SPTBN2: variants seen among roughly 807,000 people sequenced by gnomAD.
SPTBN2 encodes spectrin beta chain, non-erythrocytic 2.
In SPTBN2, 107 loss-of-function variants were observed where a neutral mutation model predicts 284.2. The ratio of observed to expected loss-of-function variants is 0.38; its 90% confidence interval spans 0.32 to 0.44. SPTBN2 has a LOEUF of 0.44. SPTBN2 is among the 20% of genes least tolerant of loss of function. SPTBN2 has a pLI of 1.00. For missense variants in SPTBN2, 2,569 were observed against 3,287.1 expected, an observed-to-expected ratio of 0.78 and a Z score of 5.34; for synonymous variants, 1,289 against 1,354.8, an observed-to-expected ratio of 0.95 and a Z score of 1.07.
chr11:66,733,984 C>CAA (rs60666832), upstream of SPTBN2, among the ~76,000 whole-genome samples: 65 of 75,442 alleles, frequency 8.6e-4, no homozygotes, highest in Admixed American at 1.7e-3. Context: ...GACTCCGTCT[C>CAA]AAAAAAAAAA....
At chr11:66,705,518 G>A in intron 14 of SPTBN2, 50 bp from the exon 15 acceptor site, 7 of 1,610,778 alleles carry the variant, frequency 4.3e-6, no homozygotes, top group Non-Finnish European at 5.9e-6. Context: ...CCCTCCGGCT[G>A]CTCCCTGCCA....
At chr11:66,704,261 C>T (rs902124346) in intron 15 of SPTBN2, among the ~76,000 whole-genome samples, 9 of 152,062 alleles carry the variant, frequency 5.9e-5, no homozygotes, top group Middle Eastern at 3.4e-3. Flanking sequence ...TGTGAGCCAC[C>T]GTGCCCGGCC....
In SPTBN2 at chr11:66,708,128, C is replaced by A; in HGVS notation, c.1350+13G>T. On this transcript the variant is annotated intron_variant, in intron 12 of 37. Transcript: ENST00000533211. This position sits in a 1 kb window ranked among gnomAD's most constrained non-coding sequence, Gnocchi z 4.4. Reference sequence around the variant, plus strand: ...CTGACCAGCCTAAGCATCCTAGGAGCCTCAAGTCCTACCTGGGACACGAGG... The same window carrying A: ...CTGACCAGCCTAAGCATCCTAGGAGACTCAAGTCCTACCTGGGACACGAGG... 6.2e-7 allele frequency: 1 copy of A among 1,613,200 alleles called. No individual in the cohort carries two copies. Among genetic ancestry groups the A allele is most frequent in the Non-Finnish European group, 8.5e-7 (1 of 1,179,898 alleles).
chr11:66,708,531 C>T lies in SPTBN2; in HGVS notation c.1192-232G>A, dbSNP rs918244140. Among the ~76,000 whole-genome samples the T allele has an allele frequency of 2.0e-5, 3 of 152,168 alleles. No homozygotes were observed. Among genetic ancestry groups the T allele is most frequent in the African/African-American group, 7.2e-5 (3 of 41,432 alleles). On this transcript the variant is annotated intron_variant, in intron 11 of 37. Coordinates refer to ENST00000533211, the MANE Select transcript of SPTBN2 (RefSeq NM_006946.4). The surrounding 1 kb of genome is among the most constrained non-coding windows in gnomAD (Gnocchi z 4.4). ...CACGAACAGTGGAAACCATCTGATTCCTTTGTGTTGGCAGGACTGTGTGCG... is the reference window on the plus strand; with the variant it reads ...CACGAACAGTGGAAACCATCTGATTTCTTTGTGTTGGCAGGACTGTGTGCG...
At chr11:66,731,589 G>A (rs1182877914), upstream of SPTBN2, among the ~76,000 whole-genome samples, 2 of 152,166 alleles carry the variant, frequency 1.3e-5, no homozygotes, top group East Asian at 3.8e-4. Flanking sequence ...CCCTTCTGCA[G>A]CCTCACGGCC....
At chr11:66,728,604 A>C (rs1287654317) in intron 1 of SPTBN2, 137 bp downstream of exon 1, 1 of 151,480 alleles carries the variant, frequency 6.6e-6, no homozygotes, top group South Asian at 2.1e-4. Context: ...ACGCGGCAGC[A>C]GCTCCGAGGC....
intron 1 of SPTBN2, among the ~76,000 whole-genome samples, chr11:66,742,855 C>T (rs1476550652): frequency 6.6e-6 from 1 of 152,154 alleles, no homozygotes. Flanking sequence ...AATGATCCAC[C>T]CACCTGGGCC....
intron 1 of SPTBN2, among the ~76,000 whole-genome samples, chr11:66,743,271 T>G (rs1318722258): frequency 1.3e-5 from 2 of 152,096 alleles, no homozygotes; most frequent in East Asian, 3.9e-4. Context: ...TGTGAGCAAC[T>G]GAGATGGGGA....
At position 66,688,250 on chromosome 11, in the gene SPTBN2, G is replaced by A. The variant is rs571837788; in HGVS notation, c.6293C>T (p.Pro2098Leu). ...ACTGGCTGTGGGTTCGGGAGCAGGC[G>A]GCTGTTTCCGCCGCTCCTCCTCCTC... Reference protein sequence around the residue: ...KREEEERRKQPPAPEPTASVP... With the variant: ...KREEEERRKQLPAPEPTASVP... Residue 2098 changes from proline to leucine, a missense_variant, in exon 32 of 38, where the codon CCG becomes CTG. Physicochemically the swap from Pro to Leu is moderately conservative, Grantham distance 98. Transcript: ENST00000533211. The A allele has an allele frequency of 1.4e-5, 23 of 1,613,226 alleles. No individual in the cohort carries two copies. In the Admixed American group the frequency reaches 1.7e-4, roughly 12 times the overall value.
At chr11:66,697,609 C>T (rs1940993137) in intron 20 of SPTBN2, among the ~76,000 whole-genome samples, 1 of 152,194 alleles carries the variant, frequency 6.6e-6, no homozygotes, top group African/African-American at 2.4e-5. Context: ...CATATCTCCA[C>T]TTGTCCAAAT....
rs753738305 is a variant in SPTBN2, at chr11:66,692,588, C to T, written c.5138G>A (p.Arg1713His). ...LDDLEQWIQE[R>H]EVVAASHELG... ...CTCGTGGGAGGCCGCCACCACCTCG[C>T]GCTCCTGGATCCACTGTTCCAGGTC... is the stretch of plus-strand genomic sequence containing the variant. Residue 1713 changes from arginine (R) to histidine (H), a missense_variant, in exon 26 of 38, where the codon CGC becomes CAC. Physicochemically the swap from Arg to His is conservative, Grantham distance 29. Around this residue, in one of 6 missense-constraint regions of SPTBN2, gnomAD observed 1,130 missense variants for 1,317.3 expected, o/e 0.86. Transcript: ENST00000533211. 1.8e-5 allele frequency: 29 copies of T among 1,606,420 alleles called. No homozygotes were observed. The highest frequency in any genetic ancestry group is 3.3e-5 in the South Asian group (3 of 91,086).
intron 1 of SPTBN2, among the ~76,000 whole-genome samples, chr11:66,726,660 G>C (rs1313316040): frequency 1.3e-5 from 2 of 152,186 alleles, no homozygotes; most frequent in Non-Finnish European, 2.9e-5. Flanking sequence ...AGATGGAGTA[G>C]GTACCACAGG....
intron 1 of SPTBN2, among the ~76,000 whole-genome samples, chr11:66,726,272 C>A (rs1942619282): frequency 6.6e-6 from 1 of 152,198 alleles, no homozygotes; most frequent in South Asian, 2.1e-4. Flanking sequence ...CAGGGTTGAG[C>A]TCAACAGCTC....
In SPTBN2 at chr11:66,687,539, G is replaced by A; in HGVS notation, c.6610C>T (p.His2204Tyr). The A allele has an allele frequency of 6.2e-7, 1 of 1,612,260 alleles. No homozygotes were observed. Among genetic ancestry groups the A allele is most frequent in the Non-Finnish European group, 8.5e-7 (1 of 1,180,008 alleles). ...MPQSRSTESA[H>Y]AATLPPRGPE... is the part of the protein sequence containing the mutation. ...CCTCGAGGCGGCAGGGTGGCAGCAT[G>A]GGCTGACTCGGTAGACCTGCTCTGG... Residue 2204 changes from histidine (H) to tyrosine (Y), a missense_variant, in exon 35 of 38, where the codon CAT (histidine) becomes TAT (tyrosine). By Grantham distance (83) the His-to-Tyr change is moderately conservative. Coordinates refer to ENST00000533211, the MANE Select transcript of SPTBN2 (RefSeq NM_006946.4). The surrounding 1 kb of genome is among the most constrained non-coding windows in gnomAD (Gnocchi z 5.2).
At position 66,687,864 on chromosome 11, in the gene SPTBN2, T is replaced by C; in HGVS notation, c.6501+4A>G. 6.2e-7 allele frequency: 1 copy of C among 1,614,024 alleles called. No individual in the cohort carries two copies. The highest frequency in any genetic ancestry group is 8.5e-7 in the Non-Finnish European group (1 of 1,179,994). ...ATCAACACCACACTTGCAGGGGAAC[T>C]CACCGGCCCTTCGGGGAAGCTGCTG... On this transcript the variant is annotated splice_donor_region_variant and intron_variant, in intron 34 of 37. Transcript: ENST00000533211. This position sits in a 1 kb window ranked among gnomAD's most constrained non-coding sequence, Gnocchi z 5.2.
chr11:66,698,568 G>A lies in SPTBN2; in HGVS notation c.4014+71C>T, dbSNP rs796149627. On this transcript the variant is annotated intron_variant, in intron 20 of 37. Transcript: ENST00000533211. ...AATCTCTAACCATGACAAAAACCAC[G>A]TCCTGGAGCCAGGCCCTCCCCCGTA... 138 of 1,609,614 alleles carry A rather than the reference G, an allele frequency of 8.6e-5. No individual in the cohort carries two copies. The African/African-American group carries it at 1.1e-3, about 12-fold the overall frequency.
Position 66,707,806 on chromosome 11 carries a change from G to T in SPTBN2, c.1363C>A (p.Leu455Met). Residue 455 changes from leucine to methionine, a missense_variant, in exon 13 of 38, where the codon CTG (leucine) becomes ATG (methionine). Coordinates refer to ENST00000533211, the MANE Select transcript of SPTBN2 (RefSeq NM_006946.4). The surrounding 1 kb of genome is among the most constrained non-coding windows in gnomAD (Gnocchi z 4.9). ...QRLVSQDNFG[L>M]ELAAVEAAVR... The stretch of plus-strand genomic sequence containing the variant: ...GCTGCCTCGACAGCTGCCAGCTCCA[G>T]CCCAAAGTTGTCCTGTGTCGGGGGC... 6.2e-7 allele frequency: 1 copy of T among 1,609,210 alleles called. No homozygotes were observed.
chr11:66,744,669 G>A, exon 1 of SPTBN2: 1 of 539,180 alleles, frequency 1.9e-6, no homozygotes, highest in Non-Finnish European at 2.5e-6. Flanking sequence ...TCGGGGCCCT[G>A]CAGCGTCGAG....
intron 1 of SPTBN2, among the ~76,000 whole-genome samples, chr11:66,739,976 G>A (rs935241389): frequency 2.0e-5 from 3 of 152,154 alleles, no homozygotes; most frequent in African/African-American, 7.2e-5. Context: ...AGGTTGCAGT[G>A]AGCCGAGATC....
Sources: gnomAD v4.1 joint callset for allele counts (sites outside exome capture counted in the v4.1 genomes callset) on GRCh38, gnomAD v4.1.1 for gene constraint, gnomAD v4.1.1 regional missense constraint, Gnocchi (gnomAD v3.1) non-coding constraint, MANE v1.5 for transcripts, NCBI Gene and HGNC (gene_info 2026-07-23, HGNC 2026-07-21) for gene names.